Variants in IRAK3 observed in about 807,000 individuals in gnomAD.
The protein encoded by IRAK3 is interleukin 1 receptor associated kinase 3.
IRAK3 carries 57 observed loss-of-function variants against 56.6 expected under a neutral mutation model. The observed-to-expected ratio is 1.01, with a 90% confidence interval of 0.81 to 1.26. The LOEUF (loss-of-function observed/expected upper bound fraction) is 1.26. IRAK3 is among the 50% of genes most tolerant of loss of function. IRAK3 has a pLI of 0.00. For missense variants in IRAK3, 703 were observed against 719.0 expected (o/e 0.98, Z 0.25); for synonymous variants, 258 against 255.7 (o/e 1.01, Z -0.09).
At position 66,198,471 on chromosome 12, in the gene IRAK3, A is replaced by C. The variant is rs138149660; in HGVS notation, c.134-5240A>C. ...CTTTAGCCTAGTTAAACCTTACCCC[A>C]CGACACGACACTTCTATTGCAAAGC... On this transcript the variant is annotated intron_variant, in intron 1 of 11. Coordinates refer to ENST00000261233, the MANE Select transcript of IRAK3 (RefSeq NM_007199.3). 3.0e-4 allele frequency among the ~76,000 whole-genome samples: 46 copies of C among 152,002 alleles called. No homozygotes were observed. In the South Asian group the frequency reaches 5.4e-3, roughly 18 times the overall value.
Position 66,215,791 on chromosome 12 carries a change from C to CGT in IRAK3, c.589-1380_589-1379insGT, listed in dbSNP as rs1565804022. Among the ~76,000 whole-genome samples the CGT allele has an allele frequency of 1.0e-3, 31 of 30,900 alleles. 1 individual carries two copies. The highest frequency in any genetic ancestry group is 2.2e-3 in the African/African-American group (21 of 9,406). The allele number at this position is 30,900 out of a possible 152,430, so 20.3% of individuals were successfully genotyped here. A position where few individuals can be genotyped will look rare whatever the true frequency, so the allele number is the denominator to read the frequency against. On this transcript the variant is annotated intron_variant, in intron 5 of 11. Coordinates refer to ENST00000261233, the MANE Select transcript of IRAK3 (RefSeq NM_007199.3). ...CCCCTATTTTAACCCAACATGCACA[C>CGT]ACACACACACACACACACACACACA...
intron 8 of IRAK3, among the ~76,000 whole-genome samples, chr12:66,235,717 G>A (rs2052901108): frequency 6.6e-6 from 1 of 152,080 alleles, no homozygotes; most frequent in Non-Finnish European, 1.5e-5. Flanking sequence ...TTAAAGTAGC[G>A]TATAGTATAT....
rs947985743 is a variant in IRAK3, at chr12:66,251,221, T to C, written c.*3050T>C. On this transcript the variant is annotated 3_prime_UTR_variant, in exon 12 of 12. Coordinates refer to ENST00000261233, the MANE Select transcript of IRAK3 (RefSeq NM_007199.3). Reference sequence around the variant, plus strand: ...CCTGATTAACGTTGTGGTAAGCAGATGCCACTGTGGCTGGGAAGTACCAAA... The same window carrying C: ...CCTGATTAACGTTGTGGTAAGCAGACGCCACTGTGGCTGGGAAGTACCAAA... 2.0e-5 allele frequency: 3 copies of C among 152,238 alleles called. No homozygotes were observed. The highest frequency in any genetic ancestry group is 7.2e-5 in the African/African-American group (3 of 41,468). The allele number at this position is 152,238 out of a possible 1,614,324, so 9.4% of individuals were successfully genotyped here.
intron 7 of IRAK3, 41 bp downstream of exon 7, chr12:66,226,878 T>A: frequency 8.3e-7 from 1 of 1,208,820 alleles, no homozygotes; most frequent in Non-Finnish European, 1.2e-6. Context: ...TCTGACCCCT[T>A]GAATCCCTGG....
chr12:66,189,344 G>A lies in IRAK3; in HGVS notation c.45G>A (p.Thr15=), dbSNP rs1005240436. ...CCCGCGGCGCGCTGTCGGCGCACAC[G>A]CTGCTGTTCGACCTGCCGCCCGCGC... ...CGARGALSAH[T]LLFDLPPALL... Residue 15 remains threonine (T), a synonymous_variant, in exon 1 of 12, where the codon ACG becomes ACA. Transcript: ENST00000261233. 1 of 1,532,284 alleles carries A rather than the reference G, an allele frequency of 6.5e-7. No homozygotes were observed. Among genetic ancestry groups the A allele is most frequent in the Non-Finnish European group, 8.7e-7 (1 of 1,145,578 alleles). 94.9% of individuals were successfully genotyped at this position (1,532,284 alleles called of 1,614,324 possible).
At chr12:66,245,624 C>G (rs535731250) in intron 11 of IRAK3, among the ~76,000 whole-genome samples, 66 of 143,264 alleles carry the variant, frequency 4.6e-4, no homozygotes, top group Admixed American at 1.5e-3. Context: ...CTCCACCTCC[C>G]CAGTTCAAGT....
chr12:66,219,425 C>CCGCCATGTGAGATGTGCTG (rs1388139838), intron 6 of IRAK3, among the ~76,000 whole-genome samples: 1 of 152,214 alleles, frequency 6.6e-6, no homozygotes, highest in African/African-American at 2.4e-5. Flanking sequence ...CTTTTGTCTG[C>CCGCCATGTGAGATGTGCTG]CGCCATGTGA....
intron 1 of IRAK3, among the ~76,000 whole-genome samples, chr12:66,200,677 C>T (rs779842519): frequency 1.4e-4 from 22 of 152,068 alleles, no homozygotes; most frequent in South Asian, 1.2e-3. Context: ...GCTTATACAA[C>T]GAAAAATTGG....
chr12:66,245,004 C>T lies in IRAK3; in HGVS notation c.1143C>T (p.Ile381=), dbSNP rs149356099. The part of the protein sequence containing the change: ...CRVVLDDPKH[I]QLRDLLRELM... ...TAGTGTTAGATGATCCAAAACATAT[C>T]CAGCTGGTAAGAATTGTTTTCATCC... The change falls in exon 10 of 12, where the codon ATC becomes ATT. Residue 381 remains isoleucine (I), a synonymous_variant. Transcript: ENST00000261233. 633 of 1,613,682 alleles carry T rather than the reference C, an allele frequency of 3.9e-4. 1 individual carries two copies. In the Middle Eastern group the frequency reaches 0.019, roughly 49 times the overall value.
intron 7 of IRAK3, 37 bp downstream of exon 7, chr12:66,226,874 C>A: frequency 8.3e-7 from 1 of 1,207,124 alleles, no homozygotes; most frequent in Non-Finnish European, 1.2e-6. Context: ...ATCCTCTGAC[C>A]CCTTGAATCC....
intron 8 of IRAK3, among the ~76,000 whole-genome samples, chr12:66,240,618 C>T (rs1178611808): frequency 2.0e-5 from 3 of 151,960 alleles, no homozygotes; most frequent in East Asian, 3.9e-4. Context: ...TTGCAACAGC[C>T]GTAATACAGA....
At chr12:66,203,676 T>C (rs1432525538) in intron 1 of IRAK3, 35 bp from the exon 2 acceptor site, 1 of 1,591,042 alleles carries the variant, frequency 6.3e-7, no homozygotes, top group East Asian at 2.2e-5. Flanking sequence ...AAAAGTACAG[T>C]AAACAATTCT....
chr12:66,235,519 G>C (rs901719570), intron 8 of IRAK3, among the ~76,000 whole-genome samples: 2 of 151,870 alleles, frequency 1.3e-5, no homozygotes, highest in East Asian at 1.9e-4. Flanking sequence ...CGAGCAGCTC[G>C]GGCAGCCGCC....
chr12:66,218,908 G>A (rs1263168438), intron 6 of IRAK3, among the ~76,000 whole-genome samples: 2 of 152,102 alleles, frequency 1.3e-5, no homozygotes, highest in Non-Finnish European at 2.9e-5. Context: ...CCACATATAA[G>A]TGAGATCATG....
At chr12:66,234,063 C>T in intron 8 of IRAK3, 1 of 1,613,674 alleles carries the variant, frequency 6.2e-7, no homozygotes, top group South Asian at 1.1e-5. Context: ...CCTTTCTGTA[C>T]ATCTCACAGT....
intron 4 of IRAK3, 103 bp from the exon 5 acceptor site, chr12:66,211,343 A>C (rs958605371): frequency 1.2e-6 from 1 of 835,990 alleles, no homozygotes; most frequent in Non-Finnish European, 2.0e-6. Context: ...TTTCTCTACT[A>C]ACCTTCCACT....
At chr12:66,241,865 T>C (rs991581659) in intron 8 of IRAK3, among the ~76,000 whole-genome samples, 1 of 152,250 alleles carries the variant, frequency 6.6e-6, no homozygotes, top group Non-Finnish European at 1.5e-5. Flanking sequence ...AGAAGCTGAC[T>C]CACCATTTGC....
chr12:66,247,108 A>T (rs886671804), intron 11 of IRAK3, among the ~76,000 whole-genome samples: 31 of 152,110 alleles, frequency 2.0e-4, no homozygotes, highest in African/African-American at 7.5e-4. Context: ...CATCTCTACT[A>T]AAAATACAAA....
chr12:66,247,579 A>G (rs1272268797), intron 11 of IRAK3, 116 bp from the exon 12 acceptor site: 6 of 731,212 alleles, frequency 8.2e-6, no homozygotes, highest in African/African-American at 1.8e-5. Flanking sequence ...TCAAAATTCT[A>G]TAGCTGAACT....
Sources: gnomAD v4.1 joint callset for allele counts (sites outside exome capture counted in the v4.1 genomes callset) on GRCh38, gnomAD v4.1.1 for gene constraint, MANE v1.5 for transcripts, NCBI Gene and HGNC (gene_info 2026-07-23, HGNC 2026-07-21) for gene names.